SBF2: variants seen among roughly 807,000 people sequenced by gnomAD.
SBF2 encodes the protein SET binding factor 2, also known as myotubularin-related protein 13.
Under a neutral mutation model 225.2 loss-of-function variants are expected in SBF2, and 112 were observed. That is an observed-to-expected ratio of 0.50 (90% confidence interval 0.43 to 0.58). The LOEUF (loss-of-function observed/expected upper bound fraction) is 0.58. SBF2 is among the 20% of genes least tolerant of loss of function. The probability of loss-of-function intolerance (pLI) is 0.00; values close to 1 mark genes in which losing one functional copy is unlikely to be tolerated. For synonymous variants in SBF2, 763 were observed against 773.3 expected (o/e 0.99, Z 0.22); for missense variants, 1,996 against 2,206.2 (o/e 0.90, Z 1.91).
At chr11:10,126,571 T>C (rs1953766245) in intron 2 of SBF2, among the ~76,000 whole-genome samples, 1 of 152,086 alleles carries the variant, frequency 6.6e-6, no homozygotes, top group Admixed American at 6.6e-5. Flanking sequence ...TGAAAAAGAA[T>C]AGATGTAAGC....
chr11:10,117,048 C>A (rs1355664471), intron 2 of SBF2, among the ~76,000 whole-genome samples: 1 of 151,994 alleles, frequency 6.6e-6, no homozygotes, highest in Admixed American at 6.6e-5. Flanking sequence ...AAGTGAAGTG[C>A]CCAGATCAAA....
At chr11:10,226,846 G>A (rs577563774) in intron 1 of SBF2, among the ~76,000 whole-genome samples, 113 of 152,308 alleles carry the variant, frequency 7.4e-4, no homozygotes, top group African/African-American at 2.6e-3. Flanking sequence ...TATATACCCA[G>A]TAATGGGATG....
rs547497994 is a variant in SBF2, at chr11:10,121,279, A to T, written c.141+72623T>A. 2.6e-5 allele frequency among the ~76,000 whole-genome samples: 4 copies of T among 152,334 alleles called. No individual in the cohort carries two copies. In the East Asian group the frequency reaches 7.7e-4, roughly 29 times the overall value. On this transcript the variant is annotated intron_variant, in intron 2 of 39. Transcript: ENST00000256190. ...CAATTAGATGAGAGACAAAACTTTC[A>T]AGTAAGACTGGTTTGCTTCTTCCAT...
intron 2 of SBF2, among the ~76,000 whole-genome samples, chr11:10,193,404 G>C (rs1358568694): frequency 2.2e-5 from 3 of 135,506 alleles, no homozygotes; most frequent in Admixed American, 1.7e-4. Flanking sequence ...GCCCAGGCTA[G>C]AGCGCAGTGG....
At chr11:10,224,034 G>A (rs750730698) in intron 1 of SBF2, among the ~76,000 whole-genome samples, 8 of 152,060 alleles carry the variant, frequency 5.3e-5, no homozygotes, top group Non-Finnish European at 8.8e-5. Flanking sequence ...TGTGGCGTAA[G>A]TTTTCATAAA....
intron 19 of SBF2, among the ~76,000 whole-genome samples, chr11:9,855,389 C>A (rs936143948): frequency 1.3e-5 from 2 of 152,102 alleles, no homozygotes; most frequent in Admixed American, 6.5e-5. Context: ...GATGAGTCTT[C>A]CACAGAGTAA....
chr11:10,232,238 C>T (rs1409439087), intron 1 of SBF2, among the ~76,000 whole-genome samples: 7 of 152,208 alleles, frequency 4.6e-5, no homozygotes, highest in South Asian at 2.1e-4. Flanking sequence ...AGGGAATTCC[C>T]GACCCCTTGT....
chr11:9,873,263 C>T (rs2134056747), intron 17 of SBF2, among the ~76,000 whole-genome samples: 1 of 138,240 alleles, frequency 7.2e-6, no homozygotes, highest in African/African-American at 2.7e-5. Context: ...TAGTTTGTCA[C>T]AAAGGTTTAA....
At position 9,992,042 on chromosome 11, in the gene SBF2, T is replaced by A. The variant is rs552403524; in HGVS notation, c.1296+373A>T. 3.3e-4 allele frequency among the ~76,000 whole-genome samples: 50 copies of A among 152,266 alleles called. No individual in the cohort carries two copies. In the South Asian group the frequency reaches 7.2e-3, roughly 22 times the overall value. Reference sequence around the variant, plus strand: ...TTTTCAAAAATATTTTAAACAACCATTTTTTAAAATGTAATATTTTAAAAT... The same window carrying A: ...TTTTCAAAAATATTTTAAACAACCAATTTTTAAAATGTAATATTTTAAAAT... On this transcript the variant is annotated intron_variant, in intron 12 of 39. Transcript: ENST00000256190.
chr11:9,843,930 A>G (rs1404251038), intron 24 of SBF2: 1 of 152,208 alleles, frequency 6.6e-6, no homozygotes, highest in Non-Finnish European at 1.5e-5. Flanking sequence ...CTAAAGCTAT[A>G]TATATCTTTT....
At chr11:9,963,951 T>A in intron 14 of SBF2, 69 bp from the exon 15 acceptor site, 1 of 909,066 alleles carries the variant, frequency 1.1e-6, no homozygotes, top group Non-Finnish European at 1.8e-6. Context: ...GCAAAGAGAC[T>A]ACTACTTTAA....
intron 17 of SBF2, among the ~76,000 whole-genome samples, chr11:9,868,489 G>A (rs1213984275): frequency 1.3e-5 from 2 of 151,774 alleles, no homozygotes; most frequent in East Asian, 1.9e-4. Context: ...CTGCACTCCA[G>A]CCTGGGCAAC....
At position 10,206,527 on chromosome 11, in the gene SBF2, C is replaced by T. The variant is rs2135370050; in HGVS notation, c.56-12540G>A. Among the ~76,000 whole-genome samples, 2 of 152,056 alleles carry T rather than the reference C, an allele frequency of 1.3e-5. 1 individual carries two copies. The highest frequency in any genetic ancestry group is 4.2e-4 in the South Asian group (2 of 4,812). On this transcript the variant is annotated intron_variant, in intron 1 of 39. Transcript: ENST00000256190. Reference sequence around the variant, plus strand: ...CAAAAAGACAATTAACTGATGCCAACACAGACATGAATCAGATGGAAGAAT... The same window carrying T: ...CAAAAAGACAATTAACTGATGCCAATACAGACATGAATCAGATGGAAGAAT...
intron 2 of SBF2, among the ~76,000 whole-genome samples, chr11:10,110,391 T>C (rs1383431212): frequency 6.6e-6 from 1 of 152,284 alleles, no homozygotes; most frequent in East Asian, 1.9e-4. Context: ...CTAATTAAAA[T>C]AGAAAATTTT....
chr11:10,298,102 C>T (rs746035837), upstream of SBF2, among the ~76,000 whole-genome samples: 28 of 152,224 alleles, frequency 1.8e-4, no homozygotes, highest in African/African-American at 5.1e-4. Flanking sequence ...CTTTAGAAGA[C>T]GAAATAGATG....
chr11:9,805,437 G>A (rs923269568), intron 32 of SBF2, among the ~76,000 whole-genome samples: 1 of 152,070 alleles, frequency 6.6e-6, no homozygotes, highest in Non-Finnish European at 1.5e-5. Flanking sequence ...ACCTACTGTA[G>A]GACAGACATT....
intron 3 of SBF2, among the ~76,000 whole-genome samples, chr11:10,035,568 G>GA (rs1207201839): frequency 2.0e-5 from 3 of 151,814 alleles, no homozygotes; most frequent in Non-Finnish European, 4.4e-5. Context: ...AAATTTAAAA[G>GA]AAAAAAACAA....
At chr11:10,094,414 C>T (rs957978561) in intron 2 of SBF2, among the ~76,000 whole-genome samples, 1 of 151,802 alleles carries the variant, frequency 6.6e-6, no homozygotes, top group African/African-American at 2.4e-5. Flanking sequence ...AACATATAGA[C>T]ATTTATTTTT....
intron 17 of SBF2, among the ~76,000 whole-genome samples, chr11:9,883,223 G>A (rs972160027): frequency 2.0e-5 from 3 of 151,906 alleles, no homozygotes; most frequent in African/African-American, 7.3e-5. Context: ...CATAATAATG[G>A]CAATATTAGC....
Sources: gnomAD v4.1 joint callset for allele counts (sites outside exome capture counted in the v4.1 genomes callset) on GRCh38, gnomAD v4.1.1 for gene constraint, MANE v1.5 for transcripts, NCBI Gene and HGNC (gene_info 2026-07-23, HGNC 2026-07-21) for gene names.